CSMD2: variants seen among roughly 807,000 people sequenced by gnomAD.
CSMD2 encodes CUB and sushi domain-containing protein 2.
In CSMD2, 130 loss-of-function variants were observed where a neutral mutation model predicts 398.5. The observed-to-expected ratio is 0.33, with a 90% confidence interval of 0.28 to 0.38. The LOEUF (loss-of-function observed/expected upper bound fraction) is 0.38, where lower values mean the gene tolerates loss of function less well. Among genes scored for constraint, CSMD2 ranks in the 10% least tolerant of loss-of-function variants. The pLI is 1.00. For missense variants in CSMD2, 3,829 were observed against 4,764.9 expected (o/e 0.80, Z 5.78); for synonymous variants, 1,828 against 1,908.5 (o/e 0.96, Z 1.10).
intron 6 of CSMD2, among the ~76,000 whole-genome samples, chr1:33,840,479 A>G (rs1299353609): frequency 2.6e-5 from 4 of 152,134 alleles, no homozygotes; most frequent in Non-Finnish European, 5.9e-5. Flanking sequence ...ACCCCAACGC[A>G]CTGCAAAATC....
chr1:33,781,914 T>C (rs1455816237), intron 12 of CSMD2, among the ~76,000 whole-genome samples: 1 of 150,930 alleles, frequency 6.6e-6, no homozygotes, highest in Admixed American at 6.6e-5. Context: ...CCTGGGATTG[T>C]GACAAGCAGA....
intron 55 of CSMD2, among the ~76,000 whole-genome samples, chr1:33,557,177 T>A (rs1373501545): frequency 2.0e-5 from 3 of 152,216 alleles, no homozygotes; most frequent in Non-Finnish European, 4.4e-5. Context: ...AATCCTCTAA[T>A]AACCCTATGG....
At chr1:33,993,458 G>A (rs182959670) in intron 3 of CSMD2, among the ~76,000 whole-genome samples, 3 of 152,032 alleles carry the variant, frequency 2.0e-5, no homozygotes, top group South Asian at 2.1e-4. Flanking sequence ...GGGAGTCCTC[G>A]GACTTGTGTT....
In CSMD2 at chr1:33,660,640, G is replaced by GCCAGGCTGTCATGACCTTTCTGGAGC. The variant is rs1553166319; in HGVS notation, c.4255+2224_4255+2249dup. ...ACCTTGGTTATGCCCATAACACTGG[G>GCCAGGCTGTCATGACCTTTCTGGAGC]CCAGGCTGTCATGACCTTTCTGGAG... On this transcript the variant is annotated intron_variant, in intron 26 of 70. Coordinates refer to ENST00000373381, the MANE Select transcript of CSMD2 (RefSeq NM_001281956.2). Among the ~76,000 whole-genome samples the GCCAGGCTGTCATGACCTTTCTGGAGC allele has an allele frequency of 2.6e-5, 4 of 152,310 alleles. No individual in the cohort carries two copies. In the East Asian group the frequency reaches 7.7e-4, roughly 29 times the overall value.
rs561672671 is a variant in CSMD2, at chr1:33,556,103, T to C, written c.8743+1631A>G. Among the ~76,000 whole-genome samples the C allele has an allele frequency of 6.6e-5, 10 of 152,280 alleles. No individual in the cohort carries two copies. In the South Asian group the frequency reaches 1.9e-3, roughly 28 times the overall value. ...TAGAAGAGGAGCCTGAATATGTGAC[T>C]GAATTAACTTTAGAGAAAACAAGCA... On this transcript the variant is annotated intron_variant, in intron 55 of 70. Transcript: ENST00000373381.
chr1:34,159,594 T>C (rs1641141693), intron 1 of CSMD2, among the ~76,000 whole-genome samples: 1 of 152,248 alleles, frequency 6.6e-6, no homozygotes, highest in Non-Finnish European at 1.5e-5. Context: ...GGCTCGGCTA[T>C]TTACTTAGTG....
intron 44 of CSMD2, among the ~76,000 whole-genome samples, chr1:33,596,343 C>A (rs976178908): frequency 6.6e-6 from 1 of 152,114 alleles, no homozygotes; most frequent in Non-Finnish European, 1.5e-5. Context: ...TGTACAGATA[C>A]CTAAGCTCCA....
At chr1:33,642,285 T>C (rs1415796427) in intron 29 of CSMD2, among the ~76,000 whole-genome samples, 3 of 149,506 alleles carry the variant, frequency 2.0e-5, no homozygotes, top group Non-Finnish European at 4.4e-5. Context: ...AGGTGGAGGT[T>C]GCAGTGAGCT....
chr1:33,878,125 A>C (rs1201164785), intron 5 of CSMD2: 2 of 152,232 alleles, frequency 1.3e-5, no homozygotes, highest in Non-Finnish European at 2.9e-5. Context: ...GCTTTTCAGC[A>C]CTTTCTGCCC....
At chr1:33,586,396 A>T (rs1301374764) in intron 46 of CSMD2, 108 bp downstream of exon 46, 4 of 684,986 alleles carry the variant, frequency 5.8e-6, no homozygotes, top group Non-Finnish European at 1.1e-5. Flanking sequence ...CTTTCATGTT[A>T]TGGGGCAGTG....
At chr1:33,650,993 G>A (rs1016356) in intron 28 of CSMD2, among the ~76,000 whole-genome samples, 2 of 152,160 alleles carry the variant, frequency 1.3e-5, no homozygotes, top group Non-Finnish European at 2.9e-5. Flanking sequence ...ACTCATCCAC[G>A]TTGTTGCATG....
At chr1:33,569,248 T>A (rs1406621868) in intron 52 of CSMD2, 126 bp downstream of exon 52, 4 of 1,019,434 alleles carry the variant, frequency 3.9e-6, no homozygotes, top group Non-Finnish European at 5.5e-6. Flanking sequence ...TAGTTGGTGT[T>A]TGGATTAAGC....
intron 3 of CSMD2, among the ~76,000 whole-genome samples, chr1:34,018,354 C>T (rs1286458738): frequency 1.3e-5 from 2 of 152,218 alleles, no homozygotes; most frequent in African/African-American, 2.4e-5. Context: ...GAAATCAACA[C>T]TTTCATGCAT....
In CSMD2 at chr1:33,970,775, G is replaced by A. The variant is rs369341482; in HGVS notation, c.518-34821C>T. On this transcript the variant is annotated intron_variant, in intron 3 of 70. Transcript: ENST00000373381. Reference sequence around the variant, plus strand: ...CCTGCTTCCCTGAGCCTCAGAGCAGGCAGGTGATTTTCCAGGTCACTTAAC... The same window carrying A: ...CCTGCTTCCCTGAGCCTCAGAGCAGACAGGTGATTTTCCAGGTCACTTAAC... 1.1e-4 allele frequency among the ~76,000 whole-genome samples: 17 copies of A among 152,312 alleles called. No individual in the cohort carries two copies. The East Asian group carries it at 3.1e-3, about 28-fold the overall frequency.
At position 34,158,949 on chromosome 1, in the gene CSMD2, G is replaced by C. The variant is rs938898564; in HGVS notation, c.187+5962C>G. On this transcript the variant is annotated intron_variant, in intron 1 of 70. Transcript: ENST00000373381. Reference sequence around the variant, plus strand: ...CTATTATTATTGTGCAGATGGGCCTGGGGCTGCCTCCTACTTGAAGATGCC... The same window carrying C: ...CTATTATTATTGTGCAGATGGGCCTCGGGCTGCCTCCTACTTGAAGATGCC... Among the ~76,000 whole-genome samples the C allele has an allele frequency of 3.3e-5, 5 of 152,314 alleles. No individual in the cohort carries two copies. The South Asian group carries it at 1.0e-3, about 32-fold the overall frequency.
chr1:33,783,457 C>CTA (rs1653079725), intron 12 of CSMD2, among the ~76,000 whole-genome samples: 1 of 148,004 alleles, frequency 6.8e-6, no homozygotes, highest in African/African-American at 2.6e-5. Context: ...CTCTCTCTCT[C>CTA]TCTCTCTCTC....
At chr1:34,059,699 C>A (rs955174712) in intron 2 of CSMD2, among the ~76,000 whole-genome samples, 4 of 146,556 alleles carry the variant, frequency 2.7e-5, no homozygotes, top group Non-Finnish European at 6.0e-5. Context: ...TGCTCAGTAA[C>A]TATGTGGGGA....
chr1:33,893,254 C>G (rs1642155908), intron 5 of CSMD2, among the ~76,000 whole-genome samples: 1 of 152,200 alleles, frequency 6.6e-6, no homozygotes, highest in Admixed American at 6.5e-5. Flanking sequence ...TTGCTCTGTG[C>G]TACTTACCTC....
At chr1:33,790,841 CT>C (rs1654210696) in intron 11 of CSMD2, among the ~76,000 whole-genome samples, 1 of 151,402 alleles carries the variant, frequency 6.6e-6, no homozygotes. Context: ...ATCTATCTAT[CT>C]ATCATCTATC....
Sources: gnomAD v4.1 joint callset for allele counts (sites outside exome capture counted in the v4.1 genomes callset) on GRCh38, gnomAD v4.1.1 for gene constraint, MANE v1.5 for transcripts, NCBI Gene and HGNC (gene_info 2026-07-23, HGNC 2026-07-21) for gene names.